STK3: variants seen among roughly 807,000 people sequenced by gnomAD.
The protein encoded by STK3 is serine/threonine-protein kinase 3.
In STK3, 41 loss-of-function variants were observed where a neutral mutation model predicts 58.0. The ratio of observed to expected loss-of-function variants is 0.71; its 90% CI spans 0.55 to 0.92. The LOEUF is 0.92. STK3 is among the 40% of genes least tolerant of loss of function. The probability of loss-of-function intolerance (pLI) is 0.00; values close to 1 mark genes in which losing one functional copy is unlikely to be tolerated. For missense variants in STK3, 479 were observed against 602.7 expected (o/e 0.79, Z 2.15); for synonymous variants, 170 against 191.0 (o/e 0.89, Z 0.91).
At chr8:98,857,536 A>G (rs1248899257) in intron 3 of STK3, among the ~76,000 whole-genome samples, 1 of 150,166 alleles carries the variant, frequency 6.7e-6, no homozygotes, top group Non-Finnish European at 1.5e-5. Flanking sequence ...TCAAAAGAGC[A>G]GAATAAAAAA....
At chr8:98,905,099 C>G (rs1838838444) in intron 1 of STK3, 1 of 1,425,332 alleles carries the variant, frequency 7.0e-7, no homozygotes, top group Non-Finnish European at 9.9e-7. Flanking sequence ...CATTACACTG[C>G]TCAGTAAAGT....
chr8:98,779,067 T>TC (rs1021206064), intron 1 of STK3, among the ~76,000 whole-genome samples: 1 of 150,966 alleles, frequency 6.6e-6, no homozygotes, highest in African/African-American at 2.4e-5. Context: ...AAAAAAGCCA[T>TC]CCAGCAGAAT....
chr8:98,678,627 G>A (rs955665913), intron 6 of STK3, among the ~76,000 whole-genome samples: 24 of 152,090 alleles, frequency 1.6e-4, no homozygotes, highest in African/African-American at 5.8e-4. Context: ...ATATGGGAAA[G>A]TGATCAAGAT....
chr8:98,474,705 ATCTTCAT>A (rs1821178349), intron 10 of STK3, among the ~76,000 whole-genome samples: 1 of 152,172 alleles, frequency 6.6e-6, no homozygotes, highest in South Asian at 2.1e-4. Context: ...CTTAAATGTC[ATCTTCAT>A]AAAGTCTTCC....
intron 10 of STK3, among the ~76,000 whole-genome samples, chr8:98,506,034 G>A (rs1824036580): frequency 6.6e-6 from 1 of 152,250 alleles, no homozygotes; most frequent in Non-Finnish European, 1.5e-5. Flanking sequence ...AGGCCTTGCA[G>A]AGCTGCAGTG....
chr8:98,675,434 C>A (rs1410190294), intron 6 of STK3, among the ~76,000 whole-genome samples: 2 of 151,948 alleles, frequency 1.3e-5, no homozygotes, highest in Non-Finnish European at 1.5e-5. Flanking sequence ...TTTTATATGC[C>A]ATCTTATCTG....
At chr8:98,847,504 G>A (rs1288869079) in intron 3 of STK3, among the ~76,000 whole-genome samples, 2 of 151,938 alleles carry the variant, frequency 1.3e-5, no homozygotes, top group Non-Finnish European at 2.9e-5. Flanking sequence ...CATACGCCTC[G>A]CTCTTGGTTT....
chr8:98,526,012 G>A (rs1586779082), intron 10 of STK3, among the ~76,000 whole-genome samples: 1 of 151,626 alleles, frequency 6.6e-6, no homozygotes, highest in African/African-American at 2.4e-5. Flanking sequence ...AGAACAATAT[G>A]CAAAAGTAAC....
intron 4 of STK3, among the ~76,000 whole-genome samples, chr8:98,733,044 G>A (rs1294292744): frequency 2.6e-5 from 4 of 151,998 alleles, no homozygotes; most frequent in Non-Finnish European, 5.9e-5. Flanking sequence ...GTAACCTAGG[G>A]GTACAACACT....
At chr8:98,598,259 T>C in intron 6 of STK3, 4 of 985,400 alleles carry the variant, frequency 4.1e-6, no homozygotes, top group Non-Finnish European at 4.8e-6. Context: ...GAGATAATCT[T>C]AACATATAAG....
In STK3 at chr8:98,848,774, T is replaced by C. The variant is rs1413760858; in HGVS notation, c.110+34873A>G. Among the ~76,000 whole-genome samples the C allele has an allele frequency of 4.6e-5, 7 of 152,338 alleles. No homozygotes were observed. The South Asian group carries it at 1.2e-3, about 27-fold the overall frequency. ...AGTTGGTGGACATTTGGTTGTTTCTTACTCTTGGCTATTATGATAATATTG... is the reference window on the plus strand; with the variant it reads ...AGTTGGTGGACATTTGGTTGTTTCTCACTCTTGGCTATTATGATAATATTG... On this transcript the variant is annotated intron_variant, in intron 3 of 12. Transcript: ENST00000523601.
chr8:98,853,385 G>C (rs1836548983), intron 3 of STK3, among the ~76,000 whole-genome samples: 1 of 152,180 alleles, frequency 6.6e-6, no homozygotes, highest in African/African-American at 2.4e-5. Context: ...CAGTACCAGG[G>C]AGTGAGCTCT....
intron 1 of STK3, among the ~76,000 whole-genome samples, chr8:98,927,163 C>G (rs533036494): frequency 6.6e-6 from 1 of 152,328 alleles, no homozygotes; most frequent in South Asian, 2.1e-4. Flanking sequence ...GCCTGTGGCT[C>G]AATCTCTGAA....
At chr8:98,418,818 TC>T (rs1418980227) in intron 3 of STK3, among the ~76,000 whole-genome samples, 1 of 151,936 alleles carries the variant, frequency 6.6e-6, no homozygotes, top group Non-Finnish European at 1.5e-5. Context: ...ATGTTATAGC[TC>T]CCCCTGCCCT....
intron 10 of STK3, among the ~76,000 whole-genome samples, chr8:98,483,000 G>A (rs1354832265): frequency 3.3e-5 from 5 of 152,086 alleles, no homozygotes; most frequent in Non-Finnish European, 7.4e-5. Context: ...TAGTGAGAGA[G>A]AACAATCTTT....
Position 98,891,201 on chromosome 8 carries a change from G to A in STK3, c.-78-7367C>T, listed in dbSNP as rs141967794. Among the ~76,000 whole-genome samples, 12 of 152,356 alleles carry A rather than the reference G, an allele frequency of 7.9e-5. No homozygotes were observed. The East Asian group carries it at 9.6e-4, about 12-fold the overall frequency. ...CAGCTCAGCACCGCATGGTGCAGCT[G>A]TTGTATTGGCCAAAGAAAGTGCTGG... On this transcript the variant is annotated intron_variant, in intron 1 of 1. Transcript: ENST00000519420.
intron 1 of STK3, among the ~76,000 whole-genome samples, chr8:98,899,045 A>C (rs562360201): frequency 8.5e-5 from 13 of 152,332 alleles, no homozygotes; most frequent in Non-Finnish European, 1.5e-4. Context: ...CTGACCCTTG[A>C]GTCCAAGGCC....
At chr8:98,785,238 G>A (rs2131550030) in intron 1 of STK3, among the ~76,000 whole-genome samples, 1 of 152,304 alleles carries the variant, frequency 6.6e-6, no homozygotes, top group African/African-American at 2.4e-5. Context: ...GCCTGGTTCA[G>A]CAGCCTACAT....
intron 4 of STK3, among the ~76,000 whole-genome samples, chr8:98,722,537 T>C (rs1827506907): frequency 6.6e-6 from 1 of 152,172 alleles, no homozygotes; most frequent in Admixed American, 6.5e-5. Context: ...CATTTGGACA[T>C]ATGTTAACCT....
Sources: gnomAD v4.1 joint callset for allele counts (sites outside exome capture counted in the v4.1 genomes callset) on GRCh38, gnomAD v4.1.1 for gene constraint, MANE v1.5 for transcripts, NCBI Gene and HGNC (gene_info 2026-07-23, HGNC 2026-07-21) for gene names.